The following RREB1 variants were observed in gnomAD, a reference collection of about 807,000 sequenced individuals.
The protein encoded by RREB1 is ras responsive element binding protein 1, also known as ras-responsive element-binding protein 1.
In RREB1, 27 loss-of-function variants were observed where a neutral mutation model predicts 117.8. That is an observed-to-expected ratio of 0.23 (90% CI 0.17 to 0.32). RREB1 has a LOEUF of 0.32. Ranked by LOEUF, RREB1 falls within the 10% of genes least tolerant of loss-of-function variation. The pLI, the probability that RREB1 is intolerant of heterozygous loss-of-function variation, is 1.00. For synonymous variants in RREB1, 1,298 were observed against 1,026.7 expected (o/e 1.26, Z -5.05); for missense variants, 2,577 against 2,378.2 (o/e 1.08, Z -1.74).
At chr6:7,143,041 CTT>C (rs1213084993) in intron 1 of RREB1, among the ~76,000 whole-genome samples, 1 of 152,116 alleles carries the variant, frequency 6.6e-6, no homozygotes, top group Non-Finnish European at 1.5e-5. Context: ...GTGTTGGAAA[CTT>C]GTCTTGAGAC....
At chr6:7,123,202 G>T (rs1030445426) in intron 1 of RREB1, among the ~76,000 whole-genome samples, 1 of 151,948 alleles carries the variant, frequency 6.6e-6, no homozygotes, top group African/African-American at 2.4e-5. Context: ...CTGTTGCCCA[G>T]GCTGGAGTAC....
chr6:7,126,713 G>A (rs751572348), intron 1 of RREB1, among the ~76,000 whole-genome samples: 8 of 152,198 alleles, frequency 5.3e-5, no homozygotes, highest in Middle Eastern at 3.2e-3. Context: ...ATAATACTGA[G>A]AAGCAATCTG....
rs796443803 is a variant in RREB1, at chr6:7,173,567, C to T, written c.-284-3088C>T. On this transcript the variant is annotated intron_variant, in intron 1 of 12. Transcript: ENST00000379938. ...ATCCCAGCACTTTGGGAGGCTGAGGCGGGTAGATCACTTGAGGCCAGGAGT... is the reference window on the plus strand; with the variant it reads ...ATCCCAGCACTTTGGGAGGCTGAGGTGGGTAGATCACTTGAGGCCAGGAGT... Among the ~76,000 whole-genome samples the T allele has an allele frequency of 9.9e-4, 150 of 151,410 alleles. 1 individual carries two copies. The highest frequency in any genetic ancestry group is 3.1e-3 in the African/African-American group (127 of 41,260).
Position 7,189,274 on chromosome 6 carries a change from A to G in RREB1, c.377A>G (p.Lys126Arg). Residue 126 changes from lysine to arginine, a missense_variant, in exon 6 of 13, where the codon AAG (lysine) becomes AGG (arginine). Lys to Arg is a conservative substitution (Grantham distance 26). Coordinates refer to ENST00000379938, the MANE Select transcript of RREB1 (RefSeq NM_001003699.4). ...GTGCACTCTGGCGAGAGGCCTTACAAGTGCACTGTGTGTGGCCAGTCATTT... is the reference window on the plus strand; with the variant it reads ...GTGCACTCTGGCGAGAGGCCTTACAGGTGCACTGTGTGTGGCCAGTCATTT... ...MLVHSGERPY[K>R]CTVCGQSFTT... 2 of 1,605,560 alleles carry G rather than the reference A, an allele frequency of 1.2e-6. No individual in the cohort carries two copies. The highest frequency in any genetic ancestry group is 1.7e-6 in the Non-Finnish European group (2 of 1,175,584).
At position 7,229,308 on chromosome 6, in the gene RREB1, C is replaced by T. The variant is rs780035681; in HGVS notation, c.1209C>T (p.Asp403=). 4.3e-6 allele frequency: 7 copies of T among 1,614,188 alleles called. No homozygotes were observed. The Admixed American group carries it at 8.3e-5, about 19-fold the overall frequency. ...LQTLKCQLPQ[D]PGCTNLLSLS... is the part of the protein sequence containing the mutation. ...CACTCAAGTGTCAGCTACCTCAGGA[C>T]CCCGGCTGCACCAACCTGCTGAGCC... Residue 403 remains aspartate, a synonymous_variant, in exon 10 of 13, where the codon GAC becomes GAT. Coordinates refer to ENST00000379938, the MANE Select transcript of RREB1 (RefSeq NM_001003699.4). The surrounding 1 kb of genome is among the most constrained non-coding windows in gnomAD (Gnocchi z 4.5).
intron 8 of RREB1, chr6:7,218,723 C>T (rs1767054133): frequency 6.6e-6 from 1 of 150,744 alleles, no homozygotes; most frequent in African/African-American, 2.4e-5. Context: ...TTGGCTGCCT[C>T]TTTACCATTA....
In RREB1 at chr6:7,134,914, C is replaced by G. The variant is rs146888829; in HGVS notation, c.-285+26854C>G. Among the ~76,000 whole-genome samples, 347 of 152,332 alleles carry G rather than the reference C, an allele frequency of 2.3e-3. 3 individuals are homozygous for G. Among genetic ancestry groups the G allele is most frequent in the African/African-American group, 7.9e-3 (329 of 41,564 alleles). ...GAAGATATATTTTCTTCCACCTGTT[C>G]ATACACTGAACGGTTTCCAGAGCAG... On this transcript the variant is annotated intron_variant, in intron 1 of 12. Coordinates refer to ENST00000379938, the MANE Select transcript of RREB1 (RefSeq NM_001003699.4).
intron 1 of RREB1, among the ~76,000 whole-genome samples, chr6:7,162,515 CTG>C (rs954589662): frequency 5.8e-4 from 89 of 152,150 alleles, no homozygotes; most frequent in African/African-American, 1.9e-3. Flanking sequence ...ATTTCCCTCT[CTG>C]TGTTTCCTCT....
intron 9 of RREB1, among the ~76,000 whole-genome samples, chr6:7,228,532 C>CTTTTTTTTTT (rs1767723730): frequency 1.0e-5 from 1 of 99,404 alleles, no homozygotes; most frequent in African/African-American, 4.1e-5. Flanking sequence ...AAGGCAGAGT[C>CTTTTTTTTTT]TTGTTCTGTT....
intron 2 of RREB1, among the ~76,000 whole-genome samples, chr6:7,178,822 G>C (rs1764640095): frequency 1.3e-5 from 2 of 152,160 alleles, no homozygotes; most frequent in Non-Finnish European, 2.9e-5. Context: ...TCAGTGGGTA[G>C]TGTCACACTT....
intron 1 of RREB1, among the ~76,000 whole-genome samples, chr6:7,130,963 G>C (rs1272976064): frequency 3.9e-5 from 5 of 129,668 alleles, no homozygotes; most frequent in African/African-American, 1.5e-4. Context: ...TTTTGAGACG[G>C]AGTCTTGCTC....
intron 5 of RREB1, among the ~76,000 whole-genome samples, chr6:7,188,225 A>C (rs889742876): frequency 1.4e-3 from 68 of 49,940 alleles, no homozygotes; most frequent in Non-Finnish European, 2.4e-3. Context: ...TCCCCCCCAC[A>C]CGTGTGTGTG....
chr6:7,167,600 C>T (rs1764010073), intron 1 of RREB1, among the ~76,000 whole-genome samples: 1 of 152,104 alleles, frequency 6.6e-6, no homozygotes, highest in South Asian at 2.1e-4. Flanking sequence ...GGCAGTCTAC[C>T]CGCCTCAGGC....
At chr6:7,155,608 G>T (rs942798852) in intron 1 of RREB1, among the ~76,000 whole-genome samples, 1 of 152,260 alleles carries the variant, frequency 6.6e-6, no homozygotes, top group Non-Finnish European at 1.5e-5. Flanking sequence ...ACAGCATCCG[G>T]CCAGGACTTA....
chr6:7,193,598 GT>G (rs1165511377), intron 6 of RREB1, among the ~76,000 whole-genome samples: 2 of 152,022 alleles, frequency 1.3e-5, no homozygotes, highest in East Asian at 3.9e-4. Context: ...TTGATTTGTT[GT>G]TTTTTTGTTT....
intron 6 of RREB1, among the ~76,000 whole-genome samples, chr6:7,199,798 G>A (rs1765853638): frequency 6.6e-6 from 1 of 151,884 alleles, no homozygotes; most frequent in Non-Finnish European, 1.5e-5. Flanking sequence ...CGAGTAGCTG[G>A]GACTACAGGC....
intron 6 of RREB1, among the ~76,000 whole-genome samples, chr6:7,210,255 G>A (rs984267664): frequency 6.6e-6 from 1 of 152,106 alleles, no homozygotes; most frequent in Non-Finnish European, 1.5e-5. Context: ...ATAATACTAC[G>A]AACAACAGGG....
chr6:7,174,347 C>T (rs930267464), intron 1 of RREB1, among the ~76,000 whole-genome samples: 7 of 152,078 alleles, frequency 4.6e-5, no homozygotes, highest in Non-Finnish European at 1.0e-4. Context: ...CATTTACACC[C>T]AAGGGCAAGA....
At chr6:7,175,286 G>C (rs1414960397) in intron 1 of RREB1, among the ~76,000 whole-genome samples, 1 of 151,928 alleles carries the variant, frequency 6.6e-6, no homozygotes, top group African/African-American at 2.4e-5. Flanking sequence ...TGCTGTCCCT[G>C]GGTGGGTTTC....
Sources: allele counts gnomAD v4.1 joint callset (sites outside exome capture counted in the v4.1 genomes callset), GRCh38; gene constraint gnomAD v4.1.1; non-coding constraint Gnocchi (gnomAD v3.1); transcripts MANE v1.5; gene names NCBI Gene and HGNC (gene_info 2026-07-23, HGNC 2026-07-21).